FGD4: variants seen among roughly 807,000 people sequenced by gnomAD.
The protein encoded by FGD4 is FYVE, RhoGEF and PH domain containing 4.
A neutral mutation model predicts 102.0 loss-of-function variants in FGD4; 42 were observed. The ratio of observed to expected loss-of-function variants is 0.41; its 90% CI spans 0.32 to 0.53. The LOEUF is 0.53. Ranked by LOEUF, FGD4 falls within the 20% of genes least tolerant of loss-of-function variation. The pLI is 0.21. For synonymous variants in FGD4, 380 were observed against 375.7 expected (o/e 1.01, Z -0.13); for missense variants, 902 against 1,078.2 (o/e 0.84, Z 2.29).
chr12:32,483,430 G>A (rs1041584356), intron 1 of FGD4, among the ~76,000 whole-genome samples: 1 of 152,146 alleles, frequency 6.6e-6, no homozygotes, highest in African/African-American at 2.4e-5. Flanking sequence ...TTAGTTGATT[G>A]TAAAGATACA....
chr12:32,627,582 A>G (rs10844261), intron 14 of FGD4, among the ~76,000 whole-genome samples: 40,829 of 152,136 alleles, frequency 0.27, 5,828 homozygotes, highest in South Asian at 0.41. Context: ...TTCTCTGGGC[A>G]GAGAAAAGTG....
intron 14 of FGD4, among the ~76,000 whole-genome samples, chr12:32,632,746 C>A (rs1261497099): frequency 7.2e-6 from 1 of 139,544 alleles, no homozygotes; most frequent in Non-Finnish European, 1.5e-5. Context: ...CTTGCTTTGT[C>A]ACCCAGGCTG....
chr12:32,485,471 C>T (rs1943869757), intron 1 of FGD4, among the ~76,000 whole-genome samples: 2 of 135,226 alleles, frequency 1.5e-5, no homozygotes, highest in African/African-American at 2.7e-5. Context: ...GACAGAGACT[C>T]GCCCTGTTGC....
At chr12:32,423,059 T>C (rs1485013143) in intron 1 of FGD4, among the ~76,000 whole-genome samples, 1 of 152,180 alleles carries the variant, frequency 6.6e-6, no homozygotes. Flanking sequence ...CTTATTGCCC[T>C]TTTTTTAATA....
intron 2 of FGD4, among the ~76,000 whole-genome samples, chr12:32,568,854 C>G (rs531585515): frequency 4.9e-4 from 74 of 152,252 alleles, no homozygotes; most frequent in African/African-American, 1.8e-3. Context: ...TCTTTTCATT[C>G]TAGATAATTA....
intron 1 of FGD4, among the ~76,000 whole-genome samples, chr12:32,471,302 CATG>C (rs1943409410): frequency 1.3e-5 from 2 of 152,180 alleles, no homozygotes; most frequent in African/African-American, 4.8e-5. Context: ...TCCATAATCA[CATG>C]AGCCAATTTC....
intron 1 of FGD4, among the ~76,000 whole-genome samples, chr12:32,546,303 A>T (rs371556721): frequency 6.6e-6 from 1 of 152,172 alleles, no homozygotes; most frequent in African/African-American, 2.4e-5. Flanking sequence ...GGCTGAAGCC[A>T]TTCTCCCGCC....
chr12:32,521,431 T>C (rs994410107), intron 1 of FGD4, among the ~76,000 whole-genome samples: 2 of 150,386 alleles, frequency 1.3e-5, no homozygotes, highest in Non-Finnish European at 2.9e-5. Context: ...TGAAGAAATG[T>C]TCAAAGGAAA....
intron 1 of FGD4, 141 bp downstream of exon 1, chr12:32,400,100 G>C: frequency 1.6e-6 from 2 of 1,238,070 alleles, no homozygotes; most frequent in African/African-American, 1.6e-5. Context: ...GGAAGGCTGC[G>C]CTCGGCCACC....
chr12:32,457,150 A>G (rs1045367210), intron 1 of FGD4, among the ~76,000 whole-genome samples: 3 of 152,206 alleles, frequency 2.0e-5, no homozygotes, highest in Non-Finnish European at 4.4e-5. Flanking sequence ...TTATTTCTAC[A>G]TTATGTCATT....
intron 1 of FGD4, among the ~76,000 whole-genome samples, chr12:32,434,784 C>CA (rs1238916600): frequency 1.3e-5 from 2 of 152,134 alleles, no homozygotes; most frequent in Non-Finnish European, 2.9e-5. Context: ...AAAATCTACA[C>CA]AATGTGTTGA....
chr12:32,399,678 T>A lies in FGD4; in HGVS notation c.-116T>A. 1 of 1,454,320 alleles carries A rather than the reference T, an allele frequency of 6.9e-7. No individual in the cohort carries two copies. The highest frequency in any genetic ancestry group is 2.7e-5 in the East Asian group (1 of 36,874). The allele number at this position is 1,454,320 out of a possible 1,614,324, so 90.1% of individuals were successfully genotyped here. A position where few individuals can be genotyped will look rare whatever the true frequency, so the allele number is the denominator to read the frequency against. Reference sequence around the variant, plus strand: ...GGCACTCGCTGAGGAGACGCCGCAGTAGAGGGCGCCCCCGGAGTCGCGCCG... The same window carrying A: ...GGCACTCGCTGAGGAGACGCCGCAGAAGAGGGCGCCCCCGGAGTCGCGCCG... On this transcript the variant is annotated 5_prime_UTR_variant, in exon 1 of 17. Coordinates refer to ENST00000534526, the MANE Select transcript of FGD4 (RefSeq NM_001370298.3).
intron 2 of FGD4, among the ~76,000 whole-genome samples, chr12:32,568,771 A>G (rs1356677899): frequency 6.6e-6 from 1 of 152,226 alleles, no homozygotes; most frequent in African/African-American, 2.4e-5. Flanking sequence ...ATTTATACAT[A>G]GCCAGCTTTT....
intron 1 of FGD4, among the ~76,000 whole-genome samples, chr12:32,462,421 A>G (rs1412929437): frequency 6.6e-6 from 1 of 152,146 alleles, no homozygotes; most frequent in Non-Finnish European, 1.5e-5. Flanking sequence ...TCAGCCTCCC[A>G]AAGTGCTGGG....
intron 2 of FGD4, 149 bp from the exon 3 acceptor site, chr12:32,576,117 T>C (rs2136373791): frequency 1.4e-6 from 1 of 733,940 alleles, no homozygotes; most frequent in Non-Finnish European, 2.2e-6. Context: ...AACAAAAGTC[T>C]TTTGGTTATG....
At chr12:32,424,898 G>T (rs1456987851) in intron 1 of FGD4, among the ~76,000 whole-genome samples, 1 of 151,968 alleles carries the variant, frequency 6.6e-6, no homozygotes, top group African/African-American at 2.4e-5. Flanking sequence ...CATATCCTTT[G>T]CCCACTTTTT....
chr12:32,433,621 G>A (rs866210537), intron 1 of FGD4, among the ~76,000 whole-genome samples: 26 of 152,030 alleles, frequency 1.7e-4, no homozygotes, highest in Admixed American at 8.5e-4. Flanking sequence ...ATAAGCATGA[G>A]CCACCGCACC....
At position 32,582,372 on chromosome 12, in the gene FGD4, G is replaced by A; in HGVS notation, c.916G>A (p.Glu306Lys). Reference protein sequence around the residue: ...PGIGPVLPLEERGAETETKVQ... With the variant: ...PGIGPVLPLEKRGAETETKVQ... ...CATAGGCCCAGTGCTCCCCCTAGAA[G>A]AAAGAGGGGCAGAAACAGAAACCAA... Residue 306 changes from glutamate (E) to lysine (K), a missense_variant, in exon 4 of 17, where the codon GAA (glutamate) becomes AAA (lysine). Glu to Lys is a moderately conservative substitution (Grantham distance 56, BLOSUM62 1). Transcript: ENST00000534526. 6.2e-7 allele frequency: 1 copy of A among 1,614,082 alleles called. No homozygotes were observed. Among genetic ancestry groups the A allele is most frequent in the South Asian group, 1.1e-5 (1 of 91,084 alleles).
rs1023648463 is a variant in FGD4, at chr12:32,491,965, A to G, written c.167-72172A>G. 5.3e-5 allele frequency among the ~76,000 whole-genome samples: 8 copies of G among 152,334 alleles called. No homozygotes were observed. The East Asian group carries it at 1.3e-3, about 26-fold the overall frequency. On this transcript the variant is annotated intron_variant, in intron 1 of 16. Coordinates refer to ENST00000534526, the MANE Select transcript of FGD4 (RefSeq NM_001370298.3). ...ATTATAGCATCCCAATTGCTTGTTA[A>G]CATTCATGAGTTTTATCCAGCATGA...
Sources: gnomAD v4.1 joint callset for allele counts (sites outside exome capture counted in the v4.1 genomes callset) on GRCh38, gnomAD v4.1.1 for gene constraint, MANE v1.5 for transcripts, NCBI Gene and HGNC (gene_info 2026-07-23, HGNC 2026-07-21) for gene names.